RASGRF1: variants seen among roughly 807,000 people sequenced by gnomAD.
RASGRF1 encodes the protein Ras protein specific guanine nucleotide releasing factor 1, also known as ras-specific guanine nucleotide-releasing factor 1.
In RASGRF1, 40 loss-of-function variants were observed where a neutral mutation model predicts 138.7. That is an observed-to-expected ratio of 0.29 (90% CI 0.22 to 0.38). RASGRF1 has a LOEUF of 0.38. Among genes scored for constraint, RASGRF1 ranks in the 10% least tolerant of loss-of-function variants. The pLI is 1.00. For missense variants in RASGRF1, 1,108 were observed against 1,650.4 expected (o/e 0.67, Z 5.69); for synonymous variants, 614 against 663.2 (o/e 0.93, Z 1.14).
intron 19 of RASGRF1, among the ~76,000 whole-genome samples, chr15:78,996,748 G>A (rs1314080768): frequency 6.6e-6 from 1 of 152,208 alleles, no homozygotes; most frequent in East Asian, 1.9e-4. Flanking sequence ...GTGTGTGTGT[G>A]TGTGGGCATG....
rs548215536 is a variant in RASGRF1, at chr15:78,974,624, T to C, written c.3495-1204A>G. Among the ~76,000 whole-genome samples the C allele has an allele frequency of 3.9e-5, 6 of 152,364 alleles. No individual in the cohort carries two copies. In the East Asian group the frequency reaches 1.2e-3, roughly 29 times the overall value. On this transcript the variant is annotated intron_variant, in intron 24 of 26. Coordinates refer to ENST00000558480, the MANE Select transcript of RASGRF1 (RefSeq NM_001145648.3). ...CACGTGGTAAGAAACATTGGATTTTTACTTTTTTCCCTTCTGCTCAGGGAG... is the reference window on the plus strand; with the variant it reads ...CACGTGGTAAGAAACATTGGATTTTCACTTTTTTCCCTTCTGCTCAGGGAG...
chr15:78,966,260 A>T (rs1348119727), intron 26 of RASGRF1, among the ~76,000 whole-genome samples: 2 of 130,788 alleles, frequency 1.5e-5, no homozygotes, highest in African/African-American at 5.8e-5. Flanking sequence ...TAACAGAGTC[A>T]GGATCCCACT....
At chr15:78,976,143 C>A (rs2055865744) in intron 24 of RASGRF1, among the ~76,000 whole-genome samples, 1 of 152,012 alleles carries the variant, frequency 6.6e-6, no homozygotes, top group African/African-American at 2.4e-5. Flanking sequence ...ATCAGAGGTC[C>A]TCTGATCACT....
At chr15:79,062,711 T>C (rs1445689993) in intron 2 of RASGRF1, among the ~76,000 whole-genome samples, 2 of 151,994 alleles carry the variant, frequency 1.3e-5, no homozygotes, top group Non-Finnish European at 2.9e-5. Context: ...GCCCAGCTAA[T>C]TTTTGTATTT....
At chr15:79,078,321 G>A (rs573169979) in intron 1 of RASGRF1, among the ~76,000 whole-genome samples, 2 of 151,968 alleles carry the variant, frequency 1.3e-5, no homozygotes, top group Non-Finnish European at 2.9e-5. Flanking sequence ...ACCCTTGCAG[G>A]CCACCCCAAG....
intron 7 of RASGRF1, 148 bp from the exon 8 acceptor site, chr15:79,031,657 G>A (rs890838841): frequency 1.0e-5 from 4 of 392,850 alleles, no homozygotes; most frequent in Non-Finnish European, 1.9e-5. Context: ...AGGGAGAGAG[G>A]GAGGGAGAGA....
intron 1 of RASGRF1, among the ~76,000 whole-genome samples, chr15:79,076,197 G>T (rs2057831203): frequency 6.6e-6 from 1 of 151,652 alleles, no homozygotes; most frequent in African/African-American, 2.4e-5. Flanking sequence ...ACAGCCCATA[G>T]TCTCAATCCA....
intron 1 of RASGRF1, among the ~76,000 whole-genome samples, chr15:79,082,212 C>A (rs372616331): frequency 1.2e-4 from 19 of 152,362 alleles, no homozygotes; most frequent in African/African-American, 4.6e-4. Flanking sequence ...ATTCTCCTCT[C>A]AGCCTTTCTG....
chr15:79,027,832 C>G lies in RASGRF1; in HGVS notation c.1290G>C (p.Thr430=). The change falls in exon 9 of 27, where the codon ACG becomes ACC. Residue 430 remains threonine (T), a synonymous_variant. Transcript: ENST00000558480. This position sits in a 1 kb window ranked among gnomAD's most constrained non-coding sequence, Gnocchi z 4.8. ...TGGCCAGGTTTTTCCGGATGTTCTC[C>G]GTCTCACTTACTTCATCGTGCATTA... ...SRIMHDEVSE[T]ENIRKNLAIE... 1 of 1,614,232 alleles carries G rather than the reference C, an allele frequency of 6.2e-7. No individual in the cohort carries two copies. Among genetic ancestry groups the G allele is most frequent in the South Asian group, 1.1e-5 (1 of 91,082 alleles).
At chr15:79,007,221 G>C (rs116881486) in intron 13 of RASGRF1, among the ~76,000 whole-genome samples, 4,035 of 152,304 alleles carry the variant, frequency 0.026, 72 homozygotes, top group Non-Finnish European at 0.042. Flanking sequence ...CAGGGGTCTT[G>C]TTTCAGCTGC....
chr15:79,077,146 T>C (rs1016543177), intron 1 of RASGRF1, among the ~76,000 whole-genome samples: 3 of 152,206 alleles, frequency 2.0e-5, no homozygotes, highest in Non-Finnish European at 2.9e-5. Flanking sequence ...TTTCATTTTT[T>C]GGGAAGATCT....
chr15:79,001,546 C>T, intron 16 of RASGRF1, 116 bp downstream of exon 16: 2 of 1,295,282 alleles, frequency 1.5e-6, no homozygotes, highest in South Asian at 1.8e-5. Context: ...AGTTACTGCT[C>T]TTAGGAGTCA....
intron 1 of RASGRF1, among the ~76,000 whole-genome samples, chr15:79,081,304 TG>T (rs2057910762): frequency 6.6e-6 from 1 of 151,988 alleles, no homozygotes; most frequent in Non-Finnish European, 1.5e-5. Flanking sequence ...GGGATGGGAG[TG>T]GAGGGGAGAC....
At chr15:79,059,034 C>T (rs948791273) in intron 2 of RASGRF1, among the ~76,000 whole-genome samples, 2 of 152,172 alleles carry the variant, frequency 1.3e-5, no homozygotes, top group South Asian at 2.1e-4. Flanking sequence ...GTAAAATAGG[C>T]GTCCGCCTCA....
At chr15:79,087,269 A>G (rs998518777) in intron 1 of RASGRF1, among the ~76,000 whole-genome samples, 9 of 152,196 alleles carry the variant, frequency 5.9e-5, no homozygotes, top group Admixed American at 2.6e-4. Flanking sequence ...GTCAGCTTCT[A>G]GGTTGAGGAC....
chr15:79,042,864 G>C (rs1412144355), intron 5 of RASGRF1, among the ~76,000 whole-genome samples: 1 of 152,172 alleles, frequency 6.6e-6, no homozygotes, highest in Non-Finnish European at 1.5e-5. Flanking sequence ...GCTGAGTGGG[G>C]GCTGTTTTAA....
chr15:79,013,633 C>T (rs559744219), intron 13 of RASGRF1, among the ~76,000 whole-genome samples: 3 of 152,342 alleles, frequency 2.0e-5, no homozygotes, highest in East Asian at 1.9e-4. Flanking sequence ...AGAGTCCTAG[C>T]GTGCACCAGA....
At chr15:79,007,081 CA>C (rs1359253545) in intron 13 of RASGRF1, among the ~76,000 whole-genome samples, 1 of 152,198 alleles carries the variant, frequency 6.6e-6, no homozygotes, top group African/African-American at 2.4e-5. Flanking sequence ...GGAAACTACC[CA>C]GGTGTCCATC....
At chr15:79,058,243 C>G in intron 3 of RASGRF1, 91 bp downstream of exon 3, 1 of 1,523,260 alleles carries the variant, frequency 6.6e-7, no homozygotes, top group Non-Finnish European at 8.8e-7. Context: ...GCTGCTTTCC[C>G]TGCCTGTCAT....
Sources: gnomAD v4.1 joint callset for allele counts (sites outside exome capture counted in the v4.1 genomes callset) on GRCh38, gnomAD v4.1.1 for gene constraint, Gnocchi (gnomAD v3.1) non-coding constraint, MANE v1.5 for transcripts, NCBI Gene and HGNC (gene_info 2026-07-23, HGNC 2026-07-21) for gene names.